GPC6: variants seen among roughly 807,000 people sequenced by gnomAD.
GPC6 encodes glypican-6.
GPC6 carries 14 observed loss-of-function variants against 55.2 expected under a neutral mutation model. The observed-to-expected ratio is 0.25, with a 90% confidence interval of 0.17 to 0.40. The LOEUF is 0.40. Among genes scored for constraint, GPC6 ranks in the 10% least tolerant of loss-of-function variants. The probability of loss-of-function intolerance (pLI) is 1.00; values close to 1 mark genes in which losing one functional copy is unlikely to be tolerated. For synonymous variants in GPC6, 278 were observed against 259.6 expected (o/e 1.07, Z -0.68); for missense variants, 641 against 708.5 (o/e 0.90, Z 1.08).
At chr13:94,018,400 C>T (rs1217509919) in intron 3 of GPC6, among the ~76,000 whole-genome samples, 1 of 152,056 alleles carries the variant, frequency 6.6e-6, no homozygotes, top group Non-Finnish European at 1.5e-5. Context: ...AGCAATTCTC[C>T]TGCCTCAGCC....
chr13:94,101,505 T>C (rs949775593), intron 4 of GPC6, among the ~76,000 whole-genome samples: 1 of 152,174 alleles, frequency 6.6e-6, no homozygotes, highest in Admixed American at 6.5e-5. Flanking sequence ...TATTTTGTCA[T>C]GTATAGAACT....
intron 1 of GPC6, among the ~76,000 whole-genome samples, chr13:93,370,198 C>T (rs1320567892): frequency 6.6e-6 from 1 of 152,054 alleles, no homozygotes; most frequent in Non-Finnish European, 1.5e-5. Context: ...CTAGAATTGG[C>T]ATGCCCTTTG....
intron 1 of GPC6, among the ~76,000 whole-genome samples, chr13:93,446,804 C>T (rs1878022941): frequency 6.6e-6 from 1 of 152,032 alleles, no homozygotes; most frequent in Admixed American, 6.5e-5. Context: ...TAAGGTACTT[C>T]TGTAGCTTTA....
Position 93,389,356 on chromosome 13 carries a change from T to C in GPC6, c.161-155907T>C, listed in dbSNP as rs1327396289. ...ACTAAAAATACAAAAAAAAAATAAATAGCCGGGCGTGGTGGCAGGCACCTG... is the reference window on the plus strand; with the variant it reads ...ACTAAAAATACAAAAAAAAAATAAACAGCCGGGCGTGGTGGCAGGCACCTG... On this transcript the variant is annotated intron_variant, in intron 1 of 8. Coordinates refer to ENST00000377047, the MANE Select transcript of GPC6 (RefSeq NM_005708.5). Among the ~76,000 whole-genome samples, 3 of 150,754 alleles carry C rather than the reference T, an allele frequency of 2.0e-5. No homozygotes were observed. The East Asian group carries it at 5.8e-4, about 29-fold the overall frequency.
intron 3 of GPC6, among the ~76,000 whole-genome samples, chr13:93,844,390 G>A (rs1434427023): frequency 6.6e-6 from 1 of 152,124 alleles, no homozygotes; most frequent in African/African-American, 2.4e-5. Context: ...GCCCACCTCA[G>A]CCTCCCAAAG....
At chr13:93,542,449 A>G (rs1450904861) in intron 1 of GPC6, among the ~76,000 whole-genome samples, 1 of 152,170 alleles carries the variant, frequency 6.6e-6, no homozygotes, top group Non-Finnish European at 1.5e-5. Context: ...GTTTGAAGTC[A>G]GGTAGCGTGA....
At chr13:94,157,316 A>T (rs549996597) in intron 4 of GPC6, among the ~76,000 whole-genome samples, 19 of 152,178 alleles carry the variant, frequency 1.2e-4, no homozygotes, top group African/African-American at 3.9e-4. Flanking sequence ...AGAGAGAGAA[A>T]AGCTCAAAGG....
intron 1 of GPC6, among the ~76,000 whole-genome samples, chr13:93,495,943 C>T (rs1259545235): frequency 1.3e-5 from 2 of 148,734 alleles, no homozygotes; most frequent in Non-Finnish European, 3.0e-5. Context: ...CAGACAGGGA[C>T]ATTTAAGTCT....
intron 3 of GPC6, among the ~76,000 whole-genome samples, chr13:93,901,758 G>T (rs575569064): frequency 6.6e-6 from 1 of 151,838 alleles, no homozygotes; most frequent in South Asian, 2.1e-4. Context: ...AAAAGTAGCC[G>T]GGCGTGGTAG....
intron 1 of GPC6, among the ~76,000 whole-genome samples, chr13:93,419,112 G>A (rs991107578): frequency 6.7e-6 from 1 of 149,708 alleles, no homozygotes; most frequent in Admixed American, 6.6e-5. Flanking sequence ...GGTATTAAAA[G>A]CTATACATAT....
At chr13:93,846,968 C>G (rs1386622448) in intron 3 of GPC6, among the ~76,000 whole-genome samples, 1 of 152,154 alleles carries the variant, frequency 6.6e-6, no homozygotes. Flanking sequence ...AGCCTAAACT[C>G]TTGTGGATGA....
At position 94,296,178 on chromosome 13, in the gene GPC6, G is replaced by A. The variant is rs544188773; in HGVS notation, c.1008+9699G>A. On this transcript the variant is annotated intron_variant, in intron 5 of 8. Coordinates refer to ENST00000377047, the MANE Select transcript of GPC6 (RefSeq NM_005708.5). ...GATGCATTTATGTGATACCCATCCA[G>A]CGCGAACTAGTTTTAACTTTCCTTG... Among the ~76,000 whole-genome samples, 11 of 152,288 alleles carry A rather than the reference G, an allele frequency of 7.2e-5. No individual in the cohort carries two copies. In the South Asian group the frequency reaches 2.3e-3, roughly 32 times the overall value.
intron 2 of GPC6, among the ~76,000 whole-genome samples, chr13:93,702,758 C>T (rs1566494645): frequency 6.6e-6 from 1 of 151,982 alleles, no homozygotes; most frequent in Non-Finnish European, 1.5e-5. Flanking sequence ...TTCCCTCAAC[C>T]TATGAACCTC....
chr13:93,963,132 T>C (rs964227622), intron 3 of GPC6, among the ~76,000 whole-genome samples: 1 of 152,208 alleles, frequency 6.6e-6, no homozygotes, highest in African/African-American at 2.4e-5. Context: ...CTATTTTTTC[T>C]TGTAGATTTG....
chr13:93,636,738 C>A (rs1187477684), intron 2 of GPC6, among the ~76,000 whole-genome samples: 1 of 152,124 alleles, frequency 6.6e-6, no homozygotes, highest in Admixed American at 6.6e-5. Flanking sequence ...TCAGGGCAGT[C>A]CACCAGAAAT....
At chr13:93,361,669 C>A (rs930498412) in intron 1 of GPC6, among the ~76,000 whole-genome samples, 1 of 152,012 alleles carries the variant, frequency 6.6e-6, no homozygotes, top group Non-Finnish European at 1.5e-5. Flanking sequence ...GAAAAGAATC[C>A]TGGTTTTTCT....
intron 1 of GPC6, among the ~76,000 whole-genome samples, chr13:93,470,718 TA>T (rs1378523519): frequency 2.6e-5 from 4 of 152,142 alleles, no homozygotes; most frequent in South Asian, 4.1e-4. Context: ...AAATTGGTGT[TA>T]TTTTTTCTTT....
chr13:93,217,749 A>G, the GPC6 span, among the ~76,000 whole-genome samples: 6 of 152,156 alleles, frequency 3.9e-5, no homozygotes, highest in Non-Finnish European at 7.3e-5. Context: ...TGCTATGCAC[A>G]CTCACAATAC....
At chr13:93,259,102 C>T (rs550807903) in intron 1 of GPC6, among the ~76,000 whole-genome samples, 2 of 152,232 alleles carry the variant, frequency 1.3e-5, no homozygotes, top group African/African-American at 2.4e-5. Flanking sequence ...GATTACTTTT[C>T]GTGCTGCTTT....
Sources: gnomAD v4.1 joint callset for allele counts (sites outside exome capture counted in the v4.1 genomes callset) on GRCh38, gnomAD v4.1.1 for gene constraint, MANE v1.5 for transcripts, NCBI Gene and HGNC (gene_info 2026-07-23, HGNC 2026-07-21) for gene names.